The following RAB2A variants were observed in gnomAD, a reference collection of about 807,000 sequenced individuals.
RAB2A encodes ras-related protein Rab-2A.
RAB2A carries 7 observed loss-of-function variants against 32.5 expected under a neutral mutation model. The observed-to-expected ratio is 0.22, with a 90% CI of 0.12 to 0.40. RAB2A has a LOEUF of 0.40. RAB2A is among the 10% of genes least tolerant of loss of function. The pLI is 1.00. For synonymous variants in RAB2A, 79 were observed against 85.2 expected, an observed-to-expected ratio of 0.93 and a Z score of 0.40; for missense variants, 108 against 260.7, an observed-to-expected ratio of 0.41 and a Z score of 4.03.
intron 1 of RAB2A, among the ~76,000 whole-genome samples, chr8:60,555,890 G>T (rs962407278): frequency 2.0e-4 from 30 of 152,270 alleles, no homozygotes; most frequent in South Asian, 2.1e-4. Context: ...TATCAAAGTA[G>T]TGTTAATATC....
intron 6 of RAB2A, among the ~76,000 whole-genome samples, chr8:60,610,548 A>T (rs1219538236): frequency 6.6e-6 from 1 of 152,204 alleles, no homozygotes; most frequent in Non-Finnish European, 1.5e-5. Context: ...ACTTCAGTGG[A>T]AATCTGACCT....
In RAB2A at chr8:60,620,544, A is replaced by T. The variant is rs527483458; in HGVS notation, c.544-130A>T. ...AGGAGATATTGTTTTAATTGTTGCT[A>T]AAATCTACTTGCTGTATTTTTCTCA... is the stretch of plus-strand genomic sequence containing the variant. On this transcript the variant is annotated intron_variant, in intron 7 of 7. Coordinates refer to ENST00000262646, the MANE Select transcript of RAB2A (RefSeq NM_002865.3). 2.2e-5 allele frequency: 15 copies of T among 676,544 alleles called. No homozygotes were observed. In the African/African-American group the frequency reaches 2.5e-4, roughly 11 times the overall value. 41.9% of individuals were successfully genotyped at this position (676,544 alleles called of 1,614,324 possible).
chr8:60,599,299 A>G lies in RAB2A; in HGVS notation c.474+7330A>G, dbSNP rs373833604. 1.4e-4 allele frequency among the ~76,000 whole-genome samples: 22 copies of G among 152,320 alleles called. No homozygotes were observed. In the South Asian group the frequency reaches 4.6e-3, roughly 32 times the overall value. ...AAAGAAGTAAAAGAAAATCTAAATA[A>G]ATAGAGAGGCATACTATGCCTACTG... On this transcript the variant is annotated intron_variant, in intron 6 of 7. Transcript: ENST00000262646.
chr8:60,561,118 T>A (rs931854147), intron 2 of RAB2A, among the ~76,000 whole-genome samples: 4 of 152,248 alleles, frequency 2.6e-5, no homozygotes, highest in African/African-American at 9.6e-5. Context: ...TTTTTCCGTG[T>A]CATCTTTCCA....
At chr8:60,535,398 C>G (rs1349513959) in intron 1 of RAB2A, among the ~76,000 whole-genome samples, 1 of 152,094 alleles carries the variant, frequency 6.6e-6, no homozygotes, top group African/African-American at 2.4e-5. Flanking sequence ...CTCTATAAGC[C>G]TGTGTGTGTG....
intron 1 of RAB2A, among the ~76,000 whole-genome samples, chr8:60,518,428 G>A (rs1420816322): frequency 1.3e-5 from 2 of 151,832 alleles, no homozygotes; most frequent in African/African-American, 4.8e-5. Flanking sequence ...AGGCCGAGGT[G>A]GGGGATCACC....
chr8:60,579,906 C>A (rs901238410), intron 3 of RAB2A, among the ~76,000 whole-genome samples: 1 of 151,944 alleles, frequency 6.6e-6, no homozygotes, highest in Non-Finnish European at 1.5e-5. Context: ...GGATTACAGG[C>A]GTGAGCCACC....
At chr8:60,554,959 T>C (rs562101043) in intron 1 of RAB2A, among the ~76,000 whole-genome samples, 1 of 152,306 alleles carries the variant, frequency 6.6e-6, no homozygotes, top group African/African-American at 2.4e-5. Flanking sequence ...GAGGAAGACC[T>C]CCAGTATTTT....
intron 6 of RAB2A, among the ~76,000 whole-genome samples, chr8:60,599,693 A>G (rs888771591): frequency 1.3e-5 from 2 of 152,222 alleles, no homozygotes; most frequent in Non-Finnish European, 2.9e-5. Flanking sequence ...AGCCTTTTCA[A>G]CAAATGGAAC....
At chr8:60,592,560 A>G (rs988710326) in intron 6 of RAB2A, among the ~76,000 whole-genome samples, 4 of 151,980 alleles carry the variant, frequency 2.6e-5, no homozygotes, top group East Asian at 1.9e-4. Flanking sequence ...CCACATCACC[A>G]CTTCTGCTTA....
intron 3 of RAB2A, among the ~76,000 whole-genome samples, chr8:60,583,704 A>G (rs79668689): frequency 0.019 from 2,930 of 152,336 alleles, 52 homozygotes; most frequent in Non-Finnish European, 0.03. Flanking sequence ...CCTTCCAACA[A>G]CCTTTACACC....
At chr8:60,521,855 C>T (rs933774664) in intron 1 of RAB2A, among the ~76,000 whole-genome samples, 3 of 152,176 alleles carry the variant, frequency 2.0e-5, no homozygotes, top group African/African-American at 7.2e-5. Context: ...CTCCTGACCT[C>T]AGGTGGTCCA....
chr8:60,562,971 T>A (rs1443189117), intron 2 of RAB2A, among the ~76,000 whole-genome samples: 2 of 152,084 alleles, frequency 1.3e-5, no homozygotes, highest in African/African-American at 4.8e-5. Flanking sequence ...CAAGGCCTAC[T>A]TAACATTTTT....
intron 1 of RAB2A, among the ~76,000 whole-genome samples, chr8:60,555,021 G>A (rs1252832270): frequency 6.6e-6 from 1 of 152,204 alleles, no homozygotes; most frequent in Non-Finnish European, 1.5e-5. Flanking sequence ...AAGACATCAA[G>A]GAGATAATTG....
chr8:60,620,876 C>T lies in RAB2A; in HGVS notation c.*107C>T. On this transcript the variant is annotated 3_prime_UTR_variant, in exon 8 of 8. Transcript: ENST00000262646. ...GAAACTATTTGAAATGGCTTTATGT[C>T]ACAGAAGACTTTAATCCGTCAAATT... 1 of 858,894 alleles carries T rather than the reference C, an allele frequency of 1.2e-6. No homozygotes were observed. The allele number at this position is 858,894 out of a possible 1,614,324, so 53.2% of individuals were successfully genotyped here. A position where few individuals can be genotyped will look rare whatever the true frequency, so the allele number is the denominator to read the frequency against.
At chr8:60,534,261 G>A (rs778374429) in intron 1 of RAB2A, among the ~76,000 whole-genome samples, 36 of 152,080 alleles carry the variant, frequency 2.4e-4, no homozygotes, top group Non-Finnish European at 4.1e-4. Context: ...ATGTTCTCGC[G>A]GTAATCTTAG....
In RAB2A at chr8:60,591,881, TAAA is replaced by T; in HGVS notation, c.391_393del (p.Lys131del). The stretch of plus-strand genomic sequence containing the variant: ...AGTGATTTAGAATCTAGAAGAGAAG[TAAA>T]AAAAGAAGAAGGTGAAGCTTTTGCA... On this transcript the variant is annotated inframe_deletion, in exon 6 of 8. Coordinates refer to ENST00000262646, the MANE Select transcript of RAB2A (RefSeq NM_002865.3). 6.2e-7 allele frequency: 1 copy of T among 1,611,118 alleles called. No homozygotes were observed. Among genetic ancestry groups the T allele is most frequent in the Non-Finnish European group, 8.5e-7 (1 of 1,177,730 alleles).
intron 6 of RAB2A, among the ~76,000 whole-genome samples, chr8:60,615,090 A>G (rs1054788335): frequency 3.9e-5 from 6 of 152,208 alleles, no homozygotes; most frequent in African/African-American, 1.4e-4. Flanking sequence ...TTCCTATTCT[A>G]AAACCTATTA....
chr8:60,620,618 A>G (rs1804511638), intron 7 of RAB2A, 56 bp from the exon 8 acceptor site: 3 of 1,262,770 alleles, frequency 2.4e-6, no homozygotes, highest in Non-Finnish European at 3.4e-6. Context: ...TTTTTTAAGA[A>G]TTAGTTAAAC....
Sources: allele counts gnomAD v4.1 joint callset (sites outside exome capture counted in the v4.1 genomes callset), GRCh38; gene constraint gnomAD v4.1.1; transcripts MANE v1.5; gene names NCBI Gene and HGNC (gene_info 2026-07-23, HGNC 2026-07-21).